SLC9D1: variants seen among roughly 807,000 people sequenced by gnomAD.
The protein encoded by SLC9D1 is solute carrier family 9 member D1.
chr13:113,534,908 C>G, the SLC9D1 span: 1 of 152,238 alleles, frequency 6.6e-6, no homozygotes. Flanking sequence ...GATGAAACCC[C>G]GTCTCTACTA....
At chr13:113,536,324 T>C in the SLC9D1 span, among the ~76,000 whole-genome samples, 4 of 148,218 alleles carry the variant, frequency 2.7e-5, no homozygotes, top group African/African-American at 1.0e-4. Flanking sequence ...GCAGAGTTGA[T>C]AGAGCAAGAC....
chr13:113,516,429 G>A, the SLC9D1 span, among the ~76,000 whole-genome samples: 1 of 151,974 alleles, frequency 6.6e-6, no homozygotes, highest in Non-Finnish European at 1.5e-5. Context: ...GCCGGGCATG[G>A]TGGCACACGC....
At chr13:113,547,455 T>C in the SLC9D1 span, 7 of 1,240,932 alleles carry the variant, frequency 5.6e-6, no homozygotes, top group African/African-American at 4.5e-5. Flanking sequence ...TGGTTTCCAG[T>C]GGGGCCCACA....
the SLC9D1 span, among the ~76,000 whole-genome samples, chr13:113,518,672 G>A: frequency 5.9e-5 from 9 of 152,214 alleles, no homozygotes; most frequent in East Asian, 7.7e-4. Flanking sequence ...AGAGAGATGC[G>A]GTGACCACAA....
At chr13:113,523,855 C>G in the SLC9D1 span, among the ~76,000 whole-genome samples, 1 of 152,096 alleles carries the variant, frequency 6.6e-6, no homozygotes, top group Non-Finnish European at 1.5e-5. Context: ...TAAAAATTTA[C>G]TTTGATACTT....
chr13:113,548,397 A>G, the SLC9D1 span: 1 of 1,613,204 alleles, frequency 6.2e-7, no homozygotes, highest in South Asian at 1.1e-5. Flanking sequence ...CAGGTCAGCG[A>G]GTTTTCCTTT....
the SLC9D1 span, chr13:113,495,681 A>G: frequency 1.2e-6 from 2 of 1,611,844 alleles, no homozygotes; most frequent in East Asian, 4.5e-5. Flanking sequence ...GCGTGTGATC[A>G]AACTGCACCG....
the SLC9D1 span, chr13:113,534,255 A>G: frequency 6.3e-6 from 10 of 1,590,344 alleles, no homozygotes; most frequent in Admixed American, 1.7e-5. Context: ...TTCTCAAACT[A>G]TGTGTTATTT....
At chr13:113,512,931 A>C in the SLC9D1 span, among the ~76,000 whole-genome samples, 1 of 152,054 alleles carries the variant, frequency 6.6e-6, no homozygotes, top group South Asian at 2.1e-4. Context: ...GTAGATGGAG[A>C]GGGTCAGTAT....
the SLC9D1 span, among the ~76,000 whole-genome samples, chr13:113,502,941 C>A: frequency 6.6e-6 from 1 of 152,168 alleles, no homozygotes; most frequent in Non-Finnish European, 1.5e-5. Flanking sequence ...AGCGGCTGGC[C>A]GGCAGAGGAG....
At chr13:113,523,930 T>A in the SLC9D1 span, among the ~76,000 whole-genome samples, 1 of 152,240 alleles carries the variant, frequency 6.6e-6, no homozygotes, top group Non-Finnish European at 1.5e-5. Context: ...TTTCCTGATG[T>A]CTTTCTGTTA....
At chr13:113,515,961 G>A in the SLC9D1 span, among the ~76,000 whole-genome samples, 1 of 147,868 alleles carries the variant, frequency 6.8e-6, no homozygotes, top group Non-Finnish European at 1.5e-5. Context: ...CTGCAACTTT[G>A]TGAACTGGTT....
At chr13:113,517,103 T>A in the SLC9D1 span, among the ~76,000 whole-genome samples, 2 of 151,990 alleles carry the variant, frequency 1.3e-5, no homozygotes, top group Non-Finnish European at 2.9e-5. Context: ...AGAGCGCCCT[T>A]GTCTCCCTGG....
the SLC9D1 span, among the ~76,000 whole-genome samples, chr13:113,535,501 AC>A: frequency 6.6e-6 from 1 of 152,334 alleles, no homozygotes; most frequent in South Asian, 2.1e-4. The surrounding 1 kb of genome is among the most constrained non-coding windows in gnomAD (Gnocchi z 4.1). Context: ...AGTAGCCTGT[AC>A]ACAGGTGTTT....
the SLC9D1 span, chr13:113,495,692 C>G: frequency 1.2e-6 from 2 of 1,612,372 alleles, no homozygotes; most frequent in Non-Finnish European, 1.7e-6. Context: ...AACTGCACCG[C>G]GGGCGAGGGG....
chr13:113,548,651 G>A, the SLC9D1 span, among the ~76,000 whole-genome samples: 25,151 of 152,236 alleles, frequency 0.17, 2,352 homozygotes, highest in Admixed American at 0.27. Context: ...AGTTAGTACT[G>A]CTTGAACTAT....
the SLC9D1 span, among the ~76,000 whole-genome samples, chr13:113,494,866 C>T: frequency 0.19 from 28,149 of 151,728 alleles, 3,446 homozygotes; most frequent in African/African-American, 0.35. Flanking sequence ...TTCTGGGCTT[C>T]GATAACATGG....
chr13:113,513,887 C>G, the SLC9D1 span, among the ~76,000 whole-genome samples: 1 of 152,116 alleles, frequency 6.6e-6, no homozygotes, highest in Admixed American at 6.5e-5. Context: ...AGGAGTCCCC[C>G]GCCAGCTCTC....
the SLC9D1 span, among the ~76,000 whole-genome samples, chr13:113,515,528 T>C: frequency 1.3e-5 from 2 of 152,134 alleles, no homozygotes; most frequent in Non-Finnish European, 2.9e-5. Flanking sequence ...CAGTGATGGC[T>C]CTGGTTGTTC....
Sources: allele counts gnomAD v4.1 joint callset (sites outside exome capture counted in the v4.1 genomes callset), GRCh38; gene constraint gnomAD v4.1.1; non-coding constraint Gnocchi (gnomAD v3.1); transcripts MANE v1.5; gene names NCBI Gene and HGNC (gene_info 2026-07-23, HGNC 2026-07-21).